Variants in BCL7A observed in about 807,000 individuals in gnomAD.
BCL7A encodes the protein B-cell CLL/lymphoma 7 protein family member A.
In BCL7A, 11 loss-of-function variants were observed where a neutral mutation model predicts 28.4. The ratio of observed to expected loss-of-function variants is 0.39; its 90% confidence interval spans 0.24 to 0.64. The LOEUF is 0.64. Ranked by LOEUF, BCL7A falls within the 30% of genes least tolerant of loss-of-function variation. The pLI is 0.50. For synonymous variants in BCL7A, 123 were observed against 103.3 expected (o/e 1.19, Z -1.15); for missense variants, 222 against 274.8 (o/e 0.81, Z 1.36).
chr12:122,042,024 C>T (rs185151479), intron 3 of BCL7A, among the ~76,000 whole-genome samples: 14 of 151,972 alleles, frequency 9.2e-5, no homozygotes, highest in Admixed American at 3.3e-4. Flanking sequence ...TATAGTGAGC[C>T]GAGATCGCGC....
intron 5 of BCL7A, among the ~76,000 whole-genome samples, chr12:122,058,080 C>G (rs988854719): frequency 1.3e-5 from 2 of 151,144 alleles, no homozygotes; most frequent in Admixed American, 6.6e-5. Flanking sequence ...GCATATAGTC[C>G]CAGCTACTCA....
chr12:122,061,406 A>T lies in BCL7A; in HGVS notation c.*2243A>T. 1 of 231,812 alleles carries T rather than the reference A, an allele frequency of 4.3e-6. No individual in the cohort carries two copies. The highest frequency in any genetic ancestry group is 8.5e-6 in the Non-Finnish European group (1 of 117,164). 14.4% of individuals were successfully genotyped at this position (231,812 alleles called of 1,614,324 possible). A position where few individuals can be genotyped will look rare whatever the true frequency, so the allele number is the denominator to read the frequency against. On this transcript the variant is annotated 3_prime_UTR_variant, in exon 6 of 6. Transcript: ENST00000261822. ...AGGTAGGAATGGGCCGGCGATTGGG[A>T]CCAGCTGGGCCCCACCACGGCCACG...
intron 3 of BCL7A, among the ~76,000 whole-genome samples, chr12:122,037,367 G>T (rs1047972780): frequency 6.6e-6 from 1 of 152,228 alleles, no homozygotes; most frequent in Non-Finnish European, 1.5e-5. Flanking sequence ...AACTGGAAGG[G>T]AATATTGGTT....
intron 1 of BCL7A, among the ~76,000 whole-genome samples, chr12:122,027,161 AG>A (rs1178265691): frequency 6.6e-6 from 1 of 152,072 alleles, no homozygotes; most frequent in African/African-American, 2.4e-5. Context: ...AGGGCATCTG[AG>A]GGGGGCCAGA....
In BCL7A at chr12:122,048,556, G is replaced by T. The variant is rs530151059; in HGVS notation, c.439+4503G>T. Among the ~76,000 whole-genome samples, 13 of 152,224 alleles carry T rather than the reference G, an allele frequency of 8.5e-5. 1 individual carries two copies. The South Asian group carries it at 2.7e-3, about 32-fold the overall frequency. ...GCTTGAGCTCAGGAGCTCGAGACCAGCCTGAGCAACGTGGTGAAACCCTGT... is the reference window on the plus strand; with the variant it reads ...GCTTGAGCTCAGGAGCTCGAGACCATCCTGAGCAACGTGGTGAAACCCTGT... On this transcript the variant is annotated intron_variant, in intron 4 of 5. Coordinates refer to ENST00000261822, the MANE Select transcript of BCL7A (RefSeq NM_001024808.3).
intron 1 of BCL7A, among the ~76,000 whole-genome samples, chr12:122,022,453 C>T (rs1257965475): frequency 6.9e-6 from 1 of 144,458 alleles, no homozygotes; most frequent in African/African-American, 2.5e-5. Context: ...CGGGGCCAGG[C>T]GGTTGGAGCG....
chr12:122,052,086 G>A (rs1884203392), intron 4 of BCL7A, among the ~76,000 whole-genome samples: 1 of 151,822 alleles, frequency 6.6e-6, no homozygotes, highest in African/African-American at 2.4e-5. Flanking sequence ...TGTTGGCCAG[G>A]CTGGTCTTGA....
At chr12:122,058,298 A>G (rs1593038900) in intron 5 of BCL7A, among the ~76,000 whole-genome samples, 1 of 152,204 alleles carries the variant, frequency 6.6e-6, no homozygotes, top group African/African-American at 2.4e-5. Context: ...TGAGGTCAGG[A>G]GTTTGAGACC....
intron 4 of BCL7A, among the ~76,000 whole-genome samples, chr12:122,052,680 TTTTTG>T (rs1056721973): frequency 1.3e-5 from 2 of 151,770 alleles, no homozygotes; most frequent in South Asian, 2.1e-4. Flanking sequence ...ATTGTTTTGT[TTTTTG>T]TTTTGTTTTG....
intron 3 of BCL7A, among the ~76,000 whole-genome samples, chr12:122,043,396 T>C (rs1883999150): frequency 4.8e-5 from 1 of 20,856 alleles, no homozygotes; most frequent in African/African-American, 3.4e-4. Flanking sequence ...ATGGCTGTGG[T>C]GCTTGGGTGG....
chr12:122,058,406 C>T lies in BCL7A; in HGVS notation c.562-686C>T, dbSNP rs181114517. On this transcript the variant is annotated intron_variant, in intron 5 of 5. Transcript: ENST00000261822. Reference sequence around the variant, plus strand: ...AGGCATGGTGGTGTGCACCTGTAATCCCAGCACTCTGGGAGGCCGAGGTGG... The same window carrying T: ...AGGCATGGTGGTGTGCACCTGTAATTCCAGCACTCTGGGAGGCCGAGGTGG... Among the ~76,000 whole-genome samples the T allele has an allele frequency of 2.0e-5, 3 of 152,198 alleles. No individual in the cohort carries two copies. In the East Asian group the frequency reaches 5.8e-4, roughly 29 times the overall value.
At chr12:122,055,044 G>A in intron 5 of BCL7A, 118 bp downstream of exon 5, 1 of 1,582,134 alleles carries the variant, frequency 6.3e-7, no homozygotes, top group Middle Eastern at 1.9e-4. Context: ...TTGGACCATT[G>A]GAACTGTCAT....
At chr12:122,056,872 C>T (rs979041220) in intron 5 of BCL7A, among the ~76,000 whole-genome samples, 3 of 152,276 alleles carry the variant, frequency 2.0e-5, no homozygotes, top group African/African-American at 7.2e-5. Flanking sequence ...CCCTGCGATC[C>T]CTGCTCCCAG....
chr12:122,043,138 G>A (rs1196924353), intron 3 of BCL7A, among the ~76,000 whole-genome samples: 1 of 151,940 alleles, frequency 6.6e-6, no homozygotes, highest in African/African-American at 2.4e-5. Context: ...CAGGCTGGAT[G>A]CAGTCAGACA....
chr12:122,055,065 G>A (rs1489933157), intron 5 of BCL7A, 139 bp downstream of exon 5: 2 of 1,542,148 alleles, frequency 1.3e-6, no homozygotes, highest in Non-Finnish European at 1.8e-6. Context: ...TTGTCCATTG[G>A]GCTATGTCCA....
At chr12:122,048,895 C>T (rs987912107) in intron 4 of BCL7A, among the ~76,000 whole-genome samples, 29 of 151,504 alleles carry the variant, frequency 1.9e-4, no homozygotes, top group Non-Finnish European at 4.1e-4. Context: ...GTGGCGAGCA[C>T]CTGTAATCCC....
intron 4 of BCL7A, among the ~76,000 whole-genome samples, chr12:122,054,553 G>A (rs957246019): frequency 6.6e-6 from 1 of 152,186 alleles, no homozygotes; most frequent in Non-Finnish European, 1.5e-5. Flanking sequence ...TCGCCTCCCA[G>A]GGCCCTCAGC....
chr12:122,033,462 C>T (rs11829607), intron 2 of BCL7A, among the ~76,000 whole-genome samples: 22,699 of 152,036 alleles, frequency 0.15, 4,152 homozygotes, highest in African/African-American at 0.44. Context: ...TACAGGCGCG[C>T]GCCACCACGT....
rs1159774621 is a variant in BCL7A at position 122,060,074 on chromosome 12, C to T, written c.*911C>T. ...CTTCTCTGGCTGACTGCAAGGCTGT[C>T]TCCTTAAGGCACTGAGTGGGCCGGG... On this transcript the variant is annotated 3_prime_UTR_variant, in exon 6 of 6. Coordinates refer to ENST00000261822, the MANE Select transcript of BCL7A (RefSeq NM_001024808.3). 1 of 233,248 alleles carries T rather than the reference C, an allele frequency of 4.3e-6. No homozygotes were observed. The highest frequency in any genetic ancestry group is 6.0e-5 in the East Asian group (1 of 16,546). The allele number at this position is 233,248 out of a possible 1,614,324, so 14.4% of individuals were successfully genotyped here.
Sources: gnomAD v4.1 joint callset for allele counts (sites outside exome capture counted in the v4.1 genomes callset) on GRCh38, gnomAD v4.1.1 for gene constraint, MANE v1.5 for transcripts, NCBI Gene and HGNC (gene_info 2026-07-23, HGNC 2026-07-21) for gene names.